Variants in SLC26A4 observed in about 807,000 individuals in gnomAD.
SLC26A4 encodes solute carrier family 26 member 4.
SLC26A4 carries 93 observed loss-of-function variants against 90.4 expected under a neutral mutation model. The observed-to-expected ratio is 1.03, with a 90% CI of 0.87 to 1.22. SLC26A4 has a LOEUF of 1.22. Ranked by LOEUF, SLC26A4 falls within the 50% of genes most tolerant of loss-of-function variation. SLC26A4 has a pLI of 0.00. For missense variants in SLC26A4, 1,127 were observed against 946.2 expected, an observed-to-expected ratio of 1.19 and a Z score of -2.51; for synonymous variants, 393 against 354.6, an observed-to-expected ratio of 1.11 and a Z score of -1.22.
Position 107,674,297 on chromosome 7 carries a change from A to G in SLC26A4, c.549A>G (p.Thr183=). The G allele has an allele frequency of 6.2e-7, 1 of 1,614,086 alleles. No homozygotes were observed. The highest frequency in any genetic ancestry group is 8.5e-7 in the Non-Finnish European group (1 of 1,179,908). Residue 183 remains threonine (T), a synonymous_variant, in exon 5 of 21, where the codon ACA becomes ACG. Coordinates refer to ENST00000644269, the MANE Select transcript of SLC26A4 (RefSeq NM_000441.2). ...TGATAGACACTGCAGCTAGAGATAC[A>G]GCTAGAGTCCTGATTGCCAGTGCCC... is the stretch of plus-strand genomic sequence containing the variant. ...TTMIDTAARD[T]ARVLIASALT... is the part of the protein sequence containing the mutation.
intron 6 of SLC26A4, among the ~76,000 whole-genome samples, chr7:107,680,022 TTA>T (rs1448636039): frequency 8.0e-6 from 1 of 125,548 alleles, no homozygotes; most frequent in African/African-American, 2.9e-5. Flanking sequence ...TAATATAATC[TTA>T]TTATATAATA....
At chr7:107,693,302 A>G (rs757220626) in intron 10 of SLC26A4, 32 of 985,300 alleles carry the variant, frequency 3.2e-5, no homozygotes, top group Non-Finnish European at 3.7e-5. Flanking sequence ...AGACATACAA[A>G]GCACGCTTTT....
rs763203596 is a variant in SLC26A4 at position 107,701,924 on chromosome 7, TAG to T, written c.1905_1906del (p.Glu635AspfsTer8). The T allele has an allele frequency of 6.2e-7, 1 of 1,613,046 alleles. No individual in the cohort carries two copies. Among genetic ancestry groups the T allele is most frequent in the African/African-American group, 1.3e-5 (1 of 75,006 alleles). On this transcript the variant is annotated frameshift_variant, in exon 17 of 21. Coordinates refer to ENST00000644269, the MANE Select transcript of SLC26A4 (RefSeq NM_000441.2). LOFTEE classifies it high-confidence loss of function. ...GAACTTGATATCCCAACCAAGGAAA[TAG>T]AGATTCAAGTGGATTGGAACTCTGA...
intron 14 of SLC26A4, among the ~76,000 whole-genome samples, chr7:107,699,188 G>C (rs1021593036): frequency 6.6e-6 from 1 of 152,114 alleles, no homozygotes; most frequent in Non-Finnish European, 1.5e-5. Flanking sequence ...AGCTGAGTTA[G>C]GGAATTCTGA....
intron 18 of SLC26A4, among the ~76,000 whole-genome samples, chr7:107,706,752 C>CT (rs113134631): frequency 0.025 from 3,749 of 152,194 alleles, 150 homozygotes; most frequent in African/African-American, 0.085. Context: ...AGAACAGATT[C>CT]TATTGAACTT....
At chr7:107,663,217 C>A (rs947823350) in intron 2 of SLC26A4, 79 bp from the exon 3 acceptor site, 1 of 1,408,612 alleles carries the variant, frequency 7.1e-7, no homozygotes, top group Non-Finnish European at 1.0e-6. Flanking sequence ...TCAGCAGAAT[C>A]CAGTTCATAA....
intron 3 of SLC26A4, among the ~76,000 whole-genome samples, chr7:107,666,248 G>T (rs1483642143): frequency 1.3e-5 from 2 of 152,262 alleles, no homozygotes; most frequent in East Asian, 3.9e-4. Context: ...TTGAGACAGG[G>T]TCTTGCTCTG....
chr7:107,673,074 C>A (rs1790918514), intron 4 of SLC26A4, among the ~76,000 whole-genome samples: 1 of 152,168 alleles, frequency 6.6e-6, no homozygotes, highest in Non-Finnish European at 1.5e-5. Context: ...AACTTCCACA[C>A]CTTGGAGAAT....
chr7:107,661,507 G>C lies in SLC26A4; in HGVS notation c.-3-132G>C. ...CGAGCGCCGAGGGCTGCAGGACGCG[G>C]ACCAGACTCGCGGTGCAGGGGGGCC... On this transcript the variant is annotated intron_variant, in intron 1 of 20. Coordinates refer to ENST00000644269, the MANE Select transcript of SLC26A4 (RefSeq NM_000441.2). The surrounding 1 kb of genome is among the most constrained non-coding windows in gnomAD (Gnocchi z 5.1). The C allele has an allele frequency of 9.4e-7, 1 of 1,059,286 alleles. No individual in the cohort carries two copies. 65.6% of individuals were successfully genotyped at this position (1,059,286 alleles called of 1,614,324 possible). A position where few individuals can be genotyped will look rare whatever the true frequency, so the allele number is the denominator to read the frequency against.
Position 107,701,183 on chromosome 7 carries a change from T to C in SLC26A4, c.1790T>C (p.Leu597Ser), listed in dbSNP as rs55638457. The C allele has an allele frequency of 8.4e-3, 13,386 of 1,598,500 alleles. 125 individuals are homozygous for C. Among genetic ancestry groups the C allele is most frequent in the South Asian group, 0.029 (2,663 of 90,712 alleles). ...KIQKLIKSGQ[L>S]RATKNGIISD... ...CAGAAACTAATAAAAAGTGGACAAT[T>C]AAGAGCAACAAAGGTGAGATGACAT... is the stretch of plus-strand genomic sequence containing the variant. Residue 597 changes from leucine (L) to serine (S), a missense_variant, in exon 16 of 21, where the codon TTA becomes TCA. Transcript: ENST00000644269.
chr7:107,706,141 T>A (rs1792032103), intron 18 of SLC26A4, among the ~76,000 whole-genome samples: 1 of 152,244 alleles, frequency 6.6e-6, no homozygotes, highest in Non-Finnish European at 1.5e-5. Flanking sequence ...TTGAACCATA[T>A]GTTTTTCTTT....
chr7:107,674,788 G>A (rs1790976779), intron 5 of SLC26A4, among the ~76,000 whole-genome samples, 157 bp from the exon 6 acceptor site: 1 of 152,194 alleles, frequency 6.6e-6, no homozygotes, highest in Non-Finnish European at 1.5e-5. Flanking sequence ...GGGAGTGATA[G>A]GGTATTAAGA....
intron 10 of SLC26A4, chr7:107,693,621 C>G (rs975865229): frequency 1.0e-6 from 1 of 985,538 alleles, no homozygotes; most frequent in Non-Finnish European, 1.2e-6. Context: ...TCTAATCAAA[C>G]GAGAGAGTAG....
At position 107,694,647 on chromosome 7, in the gene SLC26A4, C is replaced by T. The variant is rs2129316942; in HGVS notation, c.1368C>T (p.Ala456=). The T allele has an allele frequency of 6.2e-7, 1 of 1,613,704 alleles. No individual in the cohort carries two copies. The highest frequency in any genetic ancestry group is 1.7e-5 in the Admixed American group (1 of 59,980). The stretch of plus-strand genomic sequence containing the variant: ...CGGTCTTGGCAGCTGTTGTAATTGC[C>T]AACCTGAAAGGGATGTTTATGCAGC... ...QKSVLAAVVI[A]NLKGMFMQLC... Residue 456 remains alanine (A), a synonymous_variant, in exon 12 of 21, where the codon GCC becomes GCT. Coordinates refer to ENST00000644269, the MANE Select transcript of SLC26A4 (RefSeq NM_000441.2).
intron 18 of SLC26A4, 128 bp from the exon 19 acceptor site, chr7:107,709,926 G>T: frequency 1.4e-6 from 1 of 714,182 alleles, no homozygotes; most frequent in Non-Finnish European, 2.4e-6. Flanking sequence ...AACTTGGGAC[G>T]CGGAGGTTGC....
intron 6 of SLC26A4, 64 bp from the exon 7 acceptor site, chr7:107,683,138 G>C: frequency 1.7e-6 from 2 of 1,168,082 alleles, no homozygotes; most frequent in Non-Finnish European, 1.3e-6. Context: ...GTGTGTGTGT[G>C]CGTGTGTGTG....
At chr7:107,674,779 G>C (rs544564812) in intron 5 of SLC26A4, among the ~76,000 whole-genome samples, 166 bp from the exon 6 acceptor site, 2 of 152,126 alleles carry the variant, frequency 1.3e-5, no homozygotes, top group African/African-American at 4.8e-5. Context: ...TGGAGGAAGG[G>C]GAGTGATAGG....
intron 12 of SLC26A4, among the ~76,000 whole-genome samples, chr7:107,695,034 A>C (rs1008910231): frequency 1.3e-5 from 2 of 152,234 alleles, no homozygotes; most frequent in African/African-American, 4.8e-5. Context: ...AACAACATAC[A>C]AAACAATGCA....
chr7:107,704,582 G>A (rs1469559932), intron 18 of SLC26A4, among the ~76,000 whole-genome samples, 197 bp downstream of exon 18: 1 of 152,160 alleles, frequency 6.6e-6, no homozygotes, highest in East Asian at 1.9e-4. Context: ...GAACTAAGCA[G>A]GAGTTCAGTA....
Sources: allele counts gnomAD v4.1 joint callset (sites outside exome capture counted in the v4.1 genomes callset), GRCh38; gene constraint gnomAD v4.1.1; non-coding constraint Gnocchi (gnomAD v3.1); transcripts MANE v1.5; gene names NCBI Gene and HGNC (gene_info 2026-07-23, HGNC 2026-07-21).